LYPLAL1: variants seen among roughly 807,000 people sequenced by gnomAD.
The protein encoded by LYPLAL1 is lysophospholipase-like protein 1.
Under a neutral mutation model 19.7 loss-of-function variants are expected in LYPLAL1, and 23 were observed. That is an observed-to-expected ratio of 1.17 (90% confidence interval 0.84 to 1.65). LYPLAL1 has a LOEUF of 1.65. LYPLAL1 is among the 40% of genes most tolerant of loss of function. The probability of loss-of-function intolerance (pLI) is 0.00; values close to 1 mark genes in which losing one functional copy is unlikely to be tolerated. For missense variants in LYPLAL1, 355 were observed against 279.4 expected, an observed-to-expected ratio of 1.27 and a Z score of -1.93; for synonymous variants, 119 against 96.3, an observed-to-expected ratio of 1.24 and a Z score of -1.38.
chr1:219,443,614 A>G, the LYPLAL1 span, among the ~76,000 whole-genome samples: 1 of 152,170 alleles, frequency 6.6e-6, no homozygotes, highest in Non-Finnish European at 1.5e-5. Context: ...TAACGAAAAT[A>G]GCTTTGCTAT....
At chr1:219,381,908 GTCTGTATGGA>G in the LYPLAL1 span, among the ~76,000 whole-genome samples, 1 of 152,182 alleles carries the variant, frequency 6.6e-6, no homozygotes, top group African/African-American at 2.4e-5. Context: ...AAATCACATG[GTCTGTATGGA>G]TCTGTATGGA....
chr1:219,333,870 G>T, the LYPLAL1 span, among the ~76,000 whole-genome samples: 1 of 152,006 alleles, frequency 6.6e-6, no homozygotes, highest in Non-Finnish European at 1.5e-5. Context: ...CCAGGAGACA[G>T]CTGCCAACTT....
chr1:219,255,387 T>G, the LYPLAL1 span, among the ~76,000 whole-genome samples: 2 of 151,952 alleles, frequency 1.3e-5, no homozygotes, highest in African/African-American at 4.8e-5. Flanking sequence ...AAATGTATTT[T>G]TAAAATTCAA....
chr1:219,326,215 T>C, the LYPLAL1 span, among the ~76,000 whole-genome samples: 1 of 146,876 alleles, frequency 6.8e-6, no homozygotes, highest in Non-Finnish European at 1.5e-5. Flanking sequence ...CGCCCAGCCT[T>C]AAAGGCTTTT....
At chr1:219,220,873 C>T in the LYPLAL1 span, among the ~76,000 whole-genome samples, 2 of 152,042 alleles carry the variant, frequency 1.3e-5, no homozygotes, top group African/African-American at 4.8e-5. Context: ...CAGTGTTGTG[C>T]CCGGAGTAAA....
chr1:219,217,412 G>GTGT (rs1553304623), downstream of LYPLAL1, among the ~76,000 whole-genome samples: 2 of 70,764 alleles, frequency 2.8e-5, no homozygotes, highest in Non-Finnish European at 7.0e-5. Flanking sequence ...GTGTGTGAGA[G>GTGT]ATGGTTGTAA....
At chr1:219,244,734 T>A in the LYPLAL1 span, among the ~76,000 whole-genome samples, 3 of 151,888 alleles carry the variant, frequency 2.0e-5, no homozygotes, top group Non-Finnish European at 4.4e-5. Context: ...TCACCTGAGG[T>A]CAGGAGTCGG....
chr1:219,387,419 C>T, the LYPLAL1 span, among the ~76,000 whole-genome samples: 1 of 152,250 alleles, frequency 6.6e-6, no homozygotes, highest in African/African-American at 2.4e-5. Flanking sequence ...TGTGTTTACA[C>T]AGATGGTGTG....
intron 2 of LYPLAL1, among the ~76,000 whole-genome samples, chr1:219,192,022 A>G (rs1657224847): frequency 6.6e-6 from 1 of 151,352 alleles, no homozygotes; most frequent in Non-Finnish European, 1.5e-5. Flanking sequence ...CCTTAAGTGG[A>G]TGTCCATTTA....
chr1:219,413,646 G>T, the LYPLAL1 span, among the ~76,000 whole-genome samples: 2 of 152,162 alleles, frequency 1.3e-5, no homozygotes, highest in Admixed American at 1.3e-4. Context: ...TCATTTGAAG[G>T]GCTCTGTGAC....
the LYPLAL1 span, among the ~76,000 whole-genome samples, chr1:219,240,521 C>T: frequency 4.6e-5 from 7 of 152,046 alleles, no homozygotes; most frequent in Non-Finnish European, 8.8e-5. Context: ...TTTCCCTTCC[C>T]ATTTATGGTT....
intron 2 of LYPLAL1, among the ~76,000 whole-genome samples, chr1:219,186,759 AT>A (rs1656757254): frequency 6.6e-6 from 1 of 151,582 alleles, no homozygotes; most frequent in Non-Finnish European, 1.5e-5. Flanking sequence ...TTTAAAGTGG[AT>A]TTCTTATAGA....
chr1:219,317,234 G>A, the LYPLAL1 span, among the ~76,000 whole-genome samples: 2 of 152,138 alleles, frequency 1.3e-5, no homozygotes, highest in African/African-American at 2.4e-5. Context: ...TGCTTCCGAA[G>A]TAAATCCAAA....
At chr1:219,435,754 A>T in the LYPLAL1 span, among the ~76,000 whole-genome samples, 14 of 151,828 alleles carry the variant, frequency 9.2e-5, no homozygotes, top group African/African-American at 2.9e-4. Context: ...TGAACCCGGG[A>T]GGTGGAGGTT....
chr1:219,228,150 T>A, the LYPLAL1 span, among the ~76,000 whole-genome samples: 1 of 152,124 alleles, frequency 6.6e-6, no homozygotes, highest in Non-Finnish European at 1.5e-5. Context: ...TTCTTGAGAG[T>A]GAGAAAACTT....
the LYPLAL1 span, chr1:219,442,726 G>T: frequency 6.6e-6 from 1 of 152,118 alleles, no homozygotes; most frequent in African/African-American, 2.4e-5. Context: ...CAACCAGAGG[G>T]AAGGAGCTCT....
downstream of LYPLAL1, among the ~76,000 whole-genome samples, chr1:219,214,472 A>G (rs1443297918): frequency 6.6e-6 from 1 of 152,024 alleles, no homozygotes. Context: ...ACTGTTTGGT[A>G]GATTTCTTTA....
At chr1:219,334,131 T>G in the LYPLAL1 span, among the ~76,000 whole-genome samples, 1 of 152,160 alleles carries the variant, frequency 6.6e-6, no homozygotes, top group Non-Finnish European at 1.5e-5. Flanking sequence ...CAAGGCTTCT[T>G]TGATCATGGT....
chr1:219,339,016 G>T, the LYPLAL1 span, among the ~76,000 whole-genome samples: 2,760 of 151,892 alleles, frequency 0.018, 74 homozygotes, highest in African/African-American at 0.063. Flanking sequence ...GGTCAGTAAG[G>T]CTGCCTCACC....
Sources: allele counts gnomAD v4.1 joint callset (sites outside exome capture counted in the v4.1 genomes callset), GRCh38; gene constraint gnomAD v4.1.1; transcripts MANE v1.5; gene names NCBI Gene and HGNC (gene_info 2026-07-23, HGNC 2026-07-21).